The following TMEM62 variants were observed in gnomAD, a reference collection of about 807,000 sequenced individuals.
TMEM62 encodes transmembrane protein 62.
Under a neutral mutation model 70.4 loss-of-function variants are expected in TMEM62, and 41 were observed. That is an observed-to-expected ratio of 0.58 (90% confidence interval 0.45 to 0.76). The LOEUF (loss-of-function observed/expected upper bound fraction) is 0.76. TMEM62 is among the 30% of genes least tolerant of loss of function. The probability of loss-of-function intolerance (pLI) is 0.00; values close to 1 mark genes in which losing one functional copy is unlikely to be tolerated. For missense variants in TMEM62, 688 were observed against 788.5 expected, an observed-to-expected ratio of 0.87 and a Z score of 1.53; for synonymous variants, 268 against 291.0, an observed-to-expected ratio of 0.92 and a Z score of 0.80.
chr15:43,147,812 A>C (rs1324198621), intron 5 of TMEM62, among the ~76,000 whole-genome samples: 4 of 152,234 alleles, frequency 2.6e-5, no homozygotes, highest in Non-Finnish European at 4.4e-5. Context: ...CATGAAAACC[A>C]ACTGGAGTGT....
chr15:43,176,664 CCA>C (rs2040787142), intron 11 of TMEM62, among the ~76,000 whole-genome samples: 1 of 151,914 alleles, frequency 6.6e-6, no homozygotes, highest in African/African-American at 2.4e-5. Context: ...GAAAGGACAT[CCA>C]CACCAAAAAC....
At chr15:43,162,860 AT>A (rs1366114485) in intron 10 of TMEM62, among the ~76,000 whole-genome samples, 1 of 152,044 alleles carries the variant, frequency 6.6e-6, no homozygotes. Context: ...CTTGGGATCA[AT>A]TTCTAGAAGT....
intron 11 of TMEM62, among the ~76,000 whole-genome samples, chr15:43,170,934 C>T (rs1346142168): frequency 1.3e-5 from 2 of 152,166 alleles, no homozygotes; most frequent in African/African-American, 2.4e-5. Context: ...GCCAAGAGTA[C>T]AGAATCAAGT....
chr15:43,166,714 T>G (rs903520514), intron 10 of TMEM62, among the ~76,000 whole-genome samples: 18 of 152,112 alleles, frequency 1.2e-4, no homozygotes, highest in East Asian at 9.6e-4. Flanking sequence ...CTTCCGCAGT[T>G]TTTGTGTCCC....
At chr15:43,155,988 C>T (rs1463927308) in intron 9 of TMEM62, among the ~76,000 whole-genome samples, 1 of 152,082 alleles carries the variant, frequency 6.6e-6, no homozygotes, top group African/African-American at 2.4e-5. Flanking sequence ...AGAGCAGTTT[C>T]ATTAAACTCT....
chr15:43,134,105 T>C, intron 1 of TMEM62, 123 bp downstream of exon 1: 1 of 1,425,610 alleles, frequency 7.0e-7, no homozygotes, highest in Non-Finnish European at 9.3e-7. Flanking sequence ...AACTCGAGGC[T>C]CTGTCTAGTG....
intron 10 of TMEM62, among the ~76,000 whole-genome samples, chr15:43,167,835 T>G (rs996749128): frequency 6.6e-6 from 1 of 152,058 alleles, no homozygotes. Context: ...CTGGGCACCA[T>G]TGAGCACTGA....
chr15:43,177,993 A>T (rs1055636053), intron 11 of TMEM62, among the ~76,000 whole-genome samples: 63 of 152,118 alleles, frequency 4.1e-4, no homozygotes, highest in African/African-American at 1.5e-3. Context: ...AACTTAAAGT[A>T]TAATAATAAA....
intron 4 of TMEM62, among the ~76,000 whole-genome samples, chr15:43,140,007 C>G (rs1596200418): frequency 6.6e-6 from 1 of 152,286 alleles, no homozygotes; most frequent in South Asian, 2.1e-4. Flanking sequence ...ACTTTTATAG[C>G]TAGAGAAAAG....
At chr15:43,172,867 T>C (rs1290422349) in intron 11 of TMEM62, among the ~76,000 whole-genome samples, 1 of 152,222 alleles carries the variant, frequency 6.6e-6, no homozygotes, top group Admixed American at 6.5e-5. Flanking sequence ...ACTACAGTTT[T>C]TACCTTAAAA....
chr15:43,150,414 C>T (rs2037220532), intron 7 of TMEM62, among the ~76,000 whole-genome samples: 1 of 152,176 alleles, frequency 6.6e-6, no homozygotes, highest in Non-Finnish European at 1.5e-5. Flanking sequence ...TTTCTCTCTC[C>T]ACCAGTTTTC....
rs1596382654 is a variant in TMEM62, at chr15:43,184,803, C to T, written c.*217C>T. 1 of 577,810 alleles carries T rather than the reference C, an allele frequency of 1.7e-6. No homozygotes were observed. The highest frequency in any genetic ancestry group is 3.1e-6 in the Non-Finnish European group (1 of 326,352). The allele number at this position is 577,810 out of a possible 1,614,324, so 35.8% of individuals were successfully genotyped here. ...TCAAAAATAATGCCTTTATTCCTTCCCTCCCTAAGGAGGCAAAGAGTTGAT... is the reference window on the plus strand; with the variant it reads ...TCAAAAATAATGCCTTTATTCCTTCTCTCCCTAAGGAGGCAAAGAGTTGAT... On this transcript the variant is annotated 3_prime_UTR_variant, in exon 14 of 14. Coordinates refer to ENST00000260403, the MANE Select transcript of TMEM62 (RefSeq NM_024956.4).
chr15:43,135,186 G>A (rs529310474), intron 2 of TMEM62, among the ~76,000 whole-genome samples: 23 of 152,264 alleles, frequency 1.5e-4, no homozygotes, highest in Admixed American at 4.6e-4. Context: ...TCAGAGTACT[G>A]GAATTTCTTA....
At chr15:43,165,655 C>T (rs1039803689) in intron 10 of TMEM62, among the ~76,000 whole-genome samples, 3 of 151,872 alleles carry the variant, frequency 2.0e-5, no homozygotes, top group African/African-American at 7.3e-5. Context: ...ATGGCATGAA[C>T]CCAGGAGGCG....
intron 4 of TMEM62, among the ~76,000 whole-genome samples, chr15:43,139,189 C>T (rs1452862912): frequency 6.6e-6 from 1 of 152,164 alleles, no homozygotes; most frequent in East Asian, 1.9e-4. Context: ...GATCTGTGAT[C>T]AGTGACCTTT....
rs541875329 is a variant in TMEM62 at position 43,165,292 on chromosome 15, G to A, written c.1297-4301G>A. 3.3e-5 allele frequency among the ~76,000 whole-genome samples: 5 copies of A among 150,282 alleles called. 1 individual carries two copies. Among genetic ancestry groups the A allele is most frequent in the African/African-American group, 1.2e-4 (5 of 40,730 alleles). On this transcript the variant is annotated intron_variant, in intron 10 of 13. Coordinates refer to ENST00000260403, the MANE Select transcript of TMEM62 (RefSeq NM_024956.4). ...CTCCTCTGTGTATTTTCATATAGAT[G>A]GTCTTTAAGCTCACTAATTCTTTCT... is the stretch of plus-strand genomic sequence containing the variant.
upstream of TMEM62, chr15:43,133,393 C>T (rs760975711): frequency 8.0e-5 from 14 of 174,912 alleles, 1 homozygote; most frequent in Non-Finnish European, 1.4e-4. Context: ...TTATTAACTC[C>T]GTTTTACAGG....
Position 43,135,619 on chromosome 15 carries a change from A to ACCAG in TMEM62, c.403_404insGCCA (p.Lys135SerfsTer11). 1.6e-5 allele frequency: 26 copies of ACCAG among 1,601,916 alleles called. No individual in the cohort carries two copies. Among genetic ancestry groups the ACCAG allele is most frequent in the Non-Finnish European group, 2.1e-5 (25 of 1,177,244 alleles). On this transcript the variant is annotated frameshift_variant, in exon 3 of 14. Transcript: ENST00000260403. LOFTEE classifies it high-confidence loss of function. ...GAAGAAGACAAGAGTCATGGAAAAA[A>ACCAG]CCAAGTGGCTGGATATCAAAGGAAA... is the stretch of plus-strand genomic sequence containing the variant.
At chr15:43,153,675 T>C (rs1340650241) in intron 8 of TMEM62, among the ~76,000 whole-genome samples, 1 of 151,950 alleles carries the variant, frequency 6.6e-6, no homozygotes, top group Non-Finnish European at 1.5e-5. Context: ...TGTGTGTGTG[T>C]GTGTGTGTGT....
Sources: allele counts gnomAD v4.1 joint callset (sites outside exome capture counted in the v4.1 genomes callset), GRCh38; gene constraint gnomAD v4.1.1; transcripts MANE v1.5; gene names NCBI Gene and HGNC (gene_info 2026-07-23, HGNC 2026-07-21).